KCNK1: variants seen among roughly 807,000 people sequenced by gnomAD.
The protein encoded by KCNK1 is potassium channel subfamily K member 1.
Under a neutral mutation model 22.2 loss-of-function variants are expected in KCNK1, and 10 were observed. The observed-to-expected ratio is 0.45, with a 90% CI of 0.28 to 0.76. KCNK1 has a LOEUF of 0.76. Among genes scored for constraint, KCNK1 ranks in the 30% least tolerant of loss-of-function variants. KCNK1 has a pLI of 0.14. For missense variants in KCNK1, 378 were observed against 421.0 expected, an observed-to-expected ratio of 0.90 and a Z score of 0.89; for synonymous variants, 200 against 186.4, an observed-to-expected ratio of 1.07 and a Z score of -0.60.
intron 1 of KCNK1, among the ~76,000 whole-genome samples, chr1:233,650,863 C>A (rs1036606293): frequency 3.3e-5 from 5 of 152,084 alleles, no homozygotes; most frequent in Non-Finnish European, 7.4e-5. Context: ...ACAGAGATTC[C>A]CACCAGGGCA....
intron 1 of KCNK1, among the ~76,000 whole-genome samples, chr1:233,626,039 C>T (rs910008425): frequency 8.6e-5 from 13 of 151,918 alleles, no homozygotes; most frequent in African/African-American, 2.4e-4. Context: ...ACTGTTCCAA[C>T]GCGTTCACTC....
chr1:233,671,836 G>A lies in KCNK1; in HGVS notation c.*306G>A. ...CAGTATGCTGCTGTGGTTAGAAGCA[G>A]ATTTTATACTTTTAACTGGAAACTT... On this transcript the variant is annotated 3_prime_UTR_variant, in exon 3 of 3. Coordinates refer to ENST00000366621, the MANE Select transcript of KCNK1 (RefSeq NM_002245.4). 3.6e-6 allele frequency: 1 copy of A among 275,406 alleles called. No homozygotes were observed. Among genetic ancestry groups the A allele is most frequent in the South Asian group, 7.2e-5 (1 of 13,890 alleles). The allele number at this position is 275,406 out of a possible 1,614,324, so 17.1% of individuals were successfully genotyped here. A position where few individuals can be genotyped will look rare whatever the true frequency, so the allele number is the denominator to read the frequency against.
intron 2 of KCNK1, among the ~76,000 whole-genome samples, chr1:233,668,591 A>G (rs1434403075): frequency 6.6e-6 from 1 of 152,124 alleles, no homozygotes; most frequent in East Asian, 1.9e-4. Flanking sequence ...CAGGGGTATT[A>G]TAAATGACAT....
intron 1 of KCNK1, chr1:233,650,061 C>CT (rs1295284545): frequency 1.9e-6 from 1 of 533,224 alleles, no homozygotes. Flanking sequence ...TGATGTGACA[C>CT]TTTCTTGTCC....
chr1:233,671,189 A>C (rs563426722), intron 2 of KCNK1, 82 bp from the exon 3 acceptor site: 322 of 1,249,152 alleles, frequency 2.6e-4, no homozygotes, highest in Non-Finnish European at 3.6e-4. Context: ...CTGTGTTGGC[A>C]TGAGGTGGGG....
At chr1:233,660,734 TCTCA>T (rs1215071986) in intron 1 of KCNK1, 1 of 152,214 alleles carries the variant, frequency 6.6e-6, no homozygotes, top group Non-Finnish European at 1.5e-5. Context: ...CTCATTTCAG[TCTCA>T]CTATCTTAGA....
intron 1 of KCNK1, among the ~76,000 whole-genome samples, chr1:233,646,914 C>T (rs1024818419): frequency 6.6e-6 from 1 of 152,130 alleles, no homozygotes; most frequent in South Asian, 2.1e-4. Flanking sequence ...TGGATGGAAG[C>T]TCACATTGAA....
intron 1 of KCNK1, among the ~76,000 whole-genome samples, chr1:233,654,942 C>T (rs1237930460): frequency 1.3e-5 from 2 of 152,166 alleles, no homozygotes; most frequent in African/African-American, 4.8e-5. Context: ...ATGGGACCTC[C>T]ACAGAGAGCC....
intron 1 of KCNK1, among the ~76,000 whole-genome samples, chr1:233,621,246 A>G (rs1657581532): frequency 6.6e-6 from 1 of 152,232 alleles, no homozygotes; most frequent in South Asian, 2.1e-4. Context: ...GGCCATCTGC[A>G]AGCCAAGAGA....
At chr1:233,622,366 G>C (rs1383026345) in intron 1 of KCNK1, among the ~76,000 whole-genome samples, 3 of 152,182 alleles carry the variant, frequency 2.0e-5, no homozygotes, top group African/African-American at 7.2e-5. Context: ...ACAAATCCGT[G>C]AAATACTAAG....
intron 2 of KCNK1, among the ~76,000 whole-genome samples, chr1:233,670,895 C>A (rs954892622): frequency 6.6e-6 from 1 of 152,152 alleles, no homozygotes; most frequent in Non-Finnish European, 1.5e-5. Flanking sequence ...TTTTTGTGAG[C>A]CACTGATTAT....
chr1:233,629,165 C>G (rs1657746070), intron 1 of KCNK1, among the ~76,000 whole-genome samples: 1 of 152,142 alleles, frequency 6.6e-6, no homozygotes, highest in Non-Finnish European at 1.5e-5. Context: ...GGAGACTCGA[C>G]TGAAACATCA....
intron 1 of KCNK1, among the ~76,000 whole-genome samples, chr1:233,637,112 C>T (rs1005829771): frequency 1.2e-4 from 17 of 146,196 alleles, no homozygotes; most frequent in Admixed American, 1.0e-3. Flanking sequence ...AGGAGAATGG[C>T]GTGAACCCAG....
chr1:233,643,680 ACTT>A (rs1658040879), intron 1 of KCNK1, among the ~76,000 whole-genome samples: 1 of 125,938 alleles, frequency 7.9e-6, no homozygotes, highest in African/African-American at 3.7e-5. Flanking sequence ...AAACTGCTTC[ACTT>A]CTTCTTACTT....
chr1:233,657,144 A>C (rs557921831), intron 1 of KCNK1, among the ~76,000 whole-genome samples: 15 of 152,264 alleles, frequency 9.9e-5, no homozygotes, highest in South Asian at 4.1e-4. Flanking sequence ...ATGGGCAGTG[A>C]GGATGAGTGA....
chr1:233,666,406 T>C (rs1054800593), intron 1 of KCNK1, among the ~76,000 whole-genome samples, 189 bp from the exon 2 acceptor site: 9 of 152,238 alleles, frequency 5.9e-5, no homozygotes, highest in Admixed American at 3.9e-4. Flanking sequence ...TTCAAACTTA[T>C]GGTGACCACT....
chr1:233,671,938 G>C lies in KCNK1; in HGVS notation c.*408G>C, dbSNP rs550586388. On this transcript the variant is annotated 3_prime_UTR_variant, in exon 3 of 3. Coordinates refer to ENST00000366621, the MANE Select transcript of KCNK1 (RefSeq NM_002245.4). ...TTTAGAAGCAAAAAAAAAAAGCATA[G>C]AGATGTGTTTTATAAATAGGTTTAT... The C allele has an allele frequency of 6.8e-5, 13 of 190,514 alleles. No homozygotes were observed. The South Asian group carries it at 1.3e-3, about 19-fold the overall frequency. The allele number at this position is 190,514 out of a possible 1,614,324, so 11.8% of individuals were successfully genotyped here.
At chr1:233,670,016 C>A (rs7544073) in intron 2 of KCNK1, among the ~76,000 whole-genome samples, 1 of 152,086 alleles carries the variant, frequency 6.6e-6, no homozygotes, top group Admixed American at 6.5e-5. Context: ...CTACTTCATA[C>A]ATTTTCGAAA....
At chr1:233,637,579 A>G (rs1571895165) in intron 1 of KCNK1, 1 of 152,274 alleles carries the variant, frequency 6.6e-6, no homozygotes, top group East Asian at 1.9e-4. Context: ...TGGCAATGCA[A>G]GTTTATCTTT....
Sources: gnomAD v4.1 joint callset for allele counts (sites outside exome capture counted in the v4.1 genomes callset) on GRCh38, gnomAD v4.1.1 for gene constraint, MANE v1.5 for transcripts, NCBI Gene and HGNC (gene_info 2026-07-23, HGNC 2026-07-21) for gene names.